RBFOX1: variants seen among roughly 807,000 people sequenced by gnomAD.
RBFOX1 encodes RNA binding fox-1 homolog 1.
Under a neutral mutation model 57.7 loss-of-function variants are expected in RBFOX1, and 8 were observed. The observed-to-expected ratio is 0.14, with a 90% CI of 0.08 to 0.25. The LOEUF (loss-of-function observed/expected upper bound fraction) is 0.25. Ranked by LOEUF, RBFOX1 falls within the 10% of genes least tolerant of loss-of-function variation. The pLI is 1.00. For missense variants in RBFOX1, 611 were observed against 548.5 expected (o/e 1.11, Z -1.14); for synonymous variants, 326 against 222.4 (o/e 1.47, Z -4.15).
At chr16:5,842,858 G>A (rs1047259309) in intron 3 of RBFOX1, among the ~76,000 whole-genome samples, 16 of 151,654 alleles carry the variant, frequency 1.1e-4, no homozygotes, top group East Asian at 3.9e-4. Flanking sequence ...TCGCACTGTC[G>A]CCTGGACTAG....
At chr16:6,316,531 T>C in intron 1 of RBFOX1, among the ~76,000 whole-genome samples, 1 of 152,214 alleles carries the variant, frequency 6.6e-6, no homozygotes, top group Non-Finnish European at 1.5e-5. Flanking sequence ...TTAGAATTTA[T>C]TTCATCCAAG....
chr16:7,161,647 A>G (rs946368775), intron 4 of RBFOX1, among the ~76,000 whole-genome samples: 1 of 152,150 alleles, frequency 6.6e-6, no homozygotes, highest in African/African-American at 2.4e-5. Flanking sequence ...TATGGAGGTA[A>G]GGAAGAGGAT....
At chr16:5,905,544 T>G (rs2058436686) in intron 4 of RBFOX1, among the ~76,000 whole-genome samples, 1 of 151,926 alleles carries the variant, frequency 6.6e-6, no homozygotes, top group Non-Finnish European at 1.5e-5. Context: ...AAACCGAATC[T>G]CTACAAAAAA....
intron 1 of RBFOX1, among the ~76,000 whole-genome samples, chr16:6,303,519 A>G (rs184104570): frequency 2.6e-5 from 4 of 152,236 alleles, no homozygotes; most frequent in Admixed American, 1.3e-4. Context: ...GTCTGAGTAA[A>G]TATATCACAC....
intron 3 of RBFOX1, among the ~76,000 whole-genome samples, chr16:5,678,101 A>T (rs2050220303): frequency 2.6e-5 from 4 of 152,000 alleles, no homozygotes. Flanking sequence ...AATACCAGAT[A>T]CTCATTCCTC....
At chr16:7,037,570 G>A (rs994127389) in intron 3 of RBFOX1, among the ~76,000 whole-genome samples, 6 of 152,144 alleles carry the variant, frequency 3.9e-5, no homozygotes, top group African/African-American at 1.4e-4. Context: ...AACAACAAAT[G>A]GACTACTGAA....
chr16:6,972,262 C>T (rs1465697736), intron 3 of RBFOX1, among the ~76,000 whole-genome samples: 1 of 152,032 alleles, frequency 6.6e-6, no homozygotes, highest in Non-Finnish European at 1.5e-5. Context: ...TCTCCCTCTC[C>T]CCAGCCCCTG....
intron 1 of RBFOX1, among the ~76,000 whole-genome samples, chr16:5,308,205 G>T (rs1596473160): frequency 6.6e-6 from 1 of 152,034 alleles, no homozygotes; most frequent in Admixed American, 6.6e-5. Context: ...GCCAGGCATG[G>T]TGGCAGGCGC....
chr16:7,058,194 A>G (rs2053077371), intron 4 of RBFOX1, among the ~76,000 whole-genome samples: 1 of 152,048 alleles, frequency 6.6e-6, no homozygotes. Context: ...ACACTAACTC[A>G]TTAAGAAAGG....
At position 7,078,073 on chromosome 16, in the gene RBFOX1, C is replaced by G. The variant is rs76615119; in HGVS notation, c.27+25975C>G. 6.9e-4 allele frequency among the ~76,000 whole-genome samples: 105 copies of G among 152,334 alleles called. 1 individual carries two copies. The East Asian group carries it at 0.018, about 27-fold the overall frequency. ...TTGAGATTTTCCTGCCTTTGCCTCT[C>G]TCTACCACTTGCTCCTCCTCCTCTT... On this transcript the variant is annotated intron_variant, in intron 4 of 15. Transcript: ENST00000550418.
chr16:7,604,255 A>G (rs1175554538), intron 9 of RBFOX1, among the ~76,000 whole-genome samples: 1 of 152,204 alleles, frequency 6.6e-6, no homozygotes, highest in Non-Finnish European at 1.5e-5. Flanking sequence ...CCCATCGCAG[A>G]GTTCAGAAAG....
intron 3 of RBFOX1, among the ~76,000 whole-genome samples, chr16:6,857,668 C>T (rs578254978): frequency 6.6e-6 from 1 of 152,302 alleles, no homozygotes; most frequent in Non-Finnish European, 1.5e-5. Context: ...TGGAAACTTA[C>T]TCTCTGTGAT....
intron 3 of RBFOX1, among the ~76,000 whole-genome samples, chr16:6,830,871 C>T (rs2092657562): frequency 6.6e-6 from 1 of 152,096 alleles, no homozygotes; most frequent in South Asian, 2.1e-4. Flanking sequence ...AAGATAGTAA[C>T]TCTCCCACCT....
intron 3 of RBFOX1, among the ~76,000 whole-genome samples, chr16:5,653,532 T>C (rs966504409): frequency 6.6e-5 from 10 of 151,766 alleles, no homozygotes; most frequent in Admixed American, 6.6e-4. Context: ...GTGCTGCGCC[T>C]TTGTGCAGAA....
chr16:6,992,870 A>C (rs1210457765), intron 3 of RBFOX1, among the ~76,000 whole-genome samples: 1 of 149,642 alleles, frequency 6.7e-6, no homozygotes, highest in African/African-American at 2.5e-5. Context: ...GTGATACTTC[A>C]ATATATTCAG....
At chr16:6,667,173 G>A (rs1289730985) in intron 3 of RBFOX1, among the ~76,000 whole-genome samples, 2 of 152,142 alleles carry the variant, frequency 1.3e-5, no homozygotes, top group Admixed American at 6.5e-5. Flanking sequence ...GTGGTGTTGA[G>A]TTAAATTAGC....
intron 4 of RBFOX1, among the ~76,000 whole-genome samples, chr16:7,124,631 C>T (rs865973448): frequency 4.7e-5 from 7 of 147,766 alleles, no homozygotes; most frequent in African/African-American, 1.8e-4. Context: ...AATAGGGCAA[C>T]ACATGATAGC....
intron 2 of RBFOX1, among the ~76,000 whole-genome samples, chr16:5,490,602 G>A (rs1438922683): frequency 1.3e-5 from 2 of 152,276 alleles, no homozygotes; most frequent in Middle Eastern, 3.4e-3. Flanking sequence ...AGGGGGTGAT[G>A]AGTGTGGCCC....
intron 2 of RBFOX1, among the ~76,000 whole-genome samples, chr16:6,506,624 ATTTTTTTTTTTTTTTTTTTTTTTTTTTTT>A (rs71145238): frequency 2.0e-5 from 2 of 98,422 alleles, no homozygotes; most frequent in Non-Finnish European, 3.8e-5. Context: ...ACAGTAGCTA[ATTTTTTTTTTTTTTTTTTTTTTTTTTTTT>A]TTTTTTTTTT....
Sources: gnomAD v4.1 joint callset for allele counts (sites outside exome capture counted in the v4.1 genomes callset) on GRCh38, gnomAD v4.1.1 for gene constraint, MANE v1.5 for transcripts, NCBI Gene and HGNC (gene_info 2026-07-23, HGNC 2026-07-21) for gene names.